The following CLASP1 variants were observed in gnomAD, a reference collection of about 807,000 sequenced individuals.
CLASP1 encodes the protein CLIP-associating protein 1.
In CLASP1, 38 loss-of-function variants were observed where a neutral mutation model predicts 192.3. The observed-to-expected ratio is 0.20, with a 90% CI of 0.15 to 0.26. CLASP1 has a LOEUF of 0.26. Ranked by LOEUF, CLASP1 falls within the 10% of genes least tolerant of loss-of-function variation. CLASP1 has a pLI of 1.00. For missense variants in CLASP1, 1,433 were observed against 1,932.5 expected, an observed-to-expected ratio of 0.74 and a Z score of 4.85; for synonymous variants, 691 against 712.8, an observed-to-expected ratio of 0.97 and a Z score of 0.49.
intron 7 of CLASP1, among the ~76,000 whole-genome samples, chr2:121,510,736 T>C (rs1213725426): frequency 6.6e-6 from 1 of 151,540 alleles, no homozygotes; most frequent in Admixed American, 6.6e-5. Context: ...AAGTCAAGGC[T>C]GCAGTGAGCA....
At chr2:121,414,083 A>G (rs1487236024) in intron 23 of CLASP1, among the ~76,000 whole-genome samples, 58 bp downstream of exon 24, 1 of 152,246 alleles carries the variant, frequency 6.6e-6, no homozygotes, top group Non-Finnish European at 1.5e-5. Flanking sequence ...AAATGTTGAC[A>G]TGGGTGTGAA....
intron 2 of CLASP1, among the ~76,000 whole-genome samples, chr2:121,571,802 G>C (rs1388638959): frequency 6.6e-6 from 1 of 152,178 alleles, no homozygotes; most frequent in African/African-American, 2.4e-5. Flanking sequence ...TGGAAGAAAA[G>C]CAAAGAATGG....
chr2:121,626,123 GA>G (rs1314297129), intron 1 of CLASP1, among the ~76,000 whole-genome samples: 1 of 151,534 alleles, frequency 6.6e-6, no homozygotes, highest in Non-Finnish European at 1.5e-5. Context: ...GAGAGAAGAG[GA>G]CATCTGATAT....
chr2:121,618,799 A>G (rs1335221330), intron 1 of CLASP1, among the ~76,000 whole-genome samples: 1 of 152,224 alleles, frequency 6.6e-6, no homozygotes, highest in African/African-American at 2.4e-5. Context: ...AGATGAAATA[A>G]TTCTCGAAAA....
At chr2:121,491,731 T>C (rs1320897004) in intron 8 of CLASP1, among the ~76,000 whole-genome samples, 5 of 152,226 alleles carry the variant, frequency 3.3e-5, no homozygotes, top group Non-Finnish European at 4.4e-5. Flanking sequence ...TCGGGTAACC[T>C]AGCAACAAGA....
intron 19 of CLASP1, among the ~76,000 whole-genome samples, chr2:121,442,282 T>C (rs2083475489): frequency 6.6e-6 from 1 of 152,178 alleles, no homozygotes. Flanking sequence ...CATAACATAC[T>C]GAAGATAATA....
Position 121,387,272 on chromosome 2 carries a change from T to A in CLASP1, c.3268-44A>T, listed in dbSNP as rs756224296. 3 of 1,261,112 alleles carry A rather than the reference T, an allele frequency of 2.4e-6. No individual in the cohort carries two copies. The East Asian group carries it at 7.4e-5, about 31-fold the overall frequency. 78.1% of individuals were successfully genotyped at this position (1,261,112 alleles called of 1,614,324 possible). On this transcript the variant is annotated intron_variant, in intron 31 of 39. Coordinates refer to ENST00000263710, the Ensembl canonical transcript of CLASP1. ...GGCATCGTTATTCAAGGGCTGTATA[T>A]AGAATATATTCTATTCTTTCCTTGG... is the stretch of plus-strand genomic sequence containing the variant.
Position 121,354,164 on chromosome 2 carries a change from A to AT in CLASP1, c.4207-5447_4207-5446insA, listed in dbSNP as rs1172176683. Among the ~76,000 whole-genome samples, 3 of 152,168 alleles carry AT rather than the reference A, an allele frequency of 2.0e-5. No homozygotes were observed. In the South Asian group the frequency reaches 6.2e-4, roughly 32 times the overall value. On this transcript the variant is annotated intron_variant, in intron 37 of 39. Coordinates refer to ENST00000263710, the Ensembl canonical transcript of CLASP1. The stretch of plus-strand genomic sequence containing the variant: ...ACTTGGATTTACATTTTTCCTAAGG[A>AT]GCTAGCACAGAAAACTAGGAGCATG...
chr2:121,455,678 G>A (rs573850823), intron 14 of CLASP1, among the ~76,000 whole-genome samples: 3 of 152,240 alleles, frequency 2.0e-5, no homozygotes, highest in Non-Finnish European at 2.9e-5. Context: ...TGGGCAACAT[G>A]ATAAGACCTT....
At chr2:121,527,210 A>T (rs988705804) in intron 5 of CLASP1, among the ~76,000 whole-genome samples, 2 of 152,226 alleles carry the variant, frequency 1.3e-5, no homozygotes, top group African/African-American at 4.8e-5. Flanking sequence ...AGCTTTATTC[A>T]TAAAAGCCAA....
intron 20 of CLASP1, 99 bp from the exon 21 acceptor site, chr2:121,427,529 G>A (rs1353452423): frequency 6.4e-6 from 8 of 1,245,302 alleles, no homozygotes; most frequent in Non-Finnish European, 9.3e-6. Context: ...AAAGGTCTTT[G>A]TTCACAAATA....
chr2:121,347,225 A>G (rs547324763), intron 38 of CLASP1, 71 bp from the exon 40 acceptor site: 3 of 1,039,434 alleles, frequency 2.9e-6, no homozygotes, highest in African/African-American at 1.6e-5. Context: ...CATCTCATCA[A>G]CGTTTCCACA....
chr2:121,565,754 TCAG>T (rs763701791), intron 2 of CLASP1, among the ~76,000 whole-genome samples: 2 of 152,234 alleles, frequency 1.3e-5, no homozygotes, highest in Non-Finnish European at 1.5e-5. Flanking sequence ...TCAGGCATGA[TCAG>T]CAGATCTGCA....
chr2:121,420,181 T>C (rs957278607), intron 22 of CLASP1, among the ~76,000 whole-genome samples: 3 of 151,590 alleles, frequency 2.0e-5, no homozygotes, highest in East Asian at 1.9e-4. Context: ...AATCTAGACA[T>C]AAAGGGCTTT....
At chr2:121,593,729 G>A (rs968811612) in intron 2 of CLASP1, among the ~76,000 whole-genome samples, 9 of 150,082 alleles carry the variant, frequency 6.0e-5, no homozygotes, top group African/African-American at 2.0e-4. Flanking sequence ...TTTTTTTTTC[G>A]GCCAGGCGCA....
intron 37 of CLASP1, among the ~76,000 whole-genome samples, chr2:121,360,785 C>T (rs572116765): frequency 4.9e-4 from 74 of 152,250 alleles, no homozygotes; most frequent in African/African-American, 1.5e-3. Context: ...ATGCAGGCAC[C>T]GTTCCCAACA....
intron 25 of CLASP1, among the ~76,000 whole-genome samples, chr2:121,406,386 T>C (rs1489185712): frequency 6.6e-6 from 1 of 152,226 alleles, no homozygotes; most frequent in Non-Finnish European, 1.5e-5. Context: ...GCTACATATA[T>C]GCACATGCAT....
At chr2:121,559,340 TCC>T (rs1463754500) in intron 2 of CLASP1, among the ~76,000 whole-genome samples, 1 of 152,130 alleles carries the variant, frequency 6.6e-6, no homozygotes. Context: ...TACATTCAGC[TCC>T]TAGGTATATA....
At chr2:121,530,423 C>A (rs2094743136) in intron 2 of CLASP1, 98 bp from the exon 3 acceptor site, 2 of 894,796 alleles carry the variant, frequency 2.2e-6, no homozygotes, top group Admixed American at 4.5e-5. Flanking sequence ...CCGGCCCAGA[C>A]GCAGTCCGAG....
Sources: allele counts gnomAD v4.1 joint callset (sites outside exome capture counted in the v4.1 genomes callset), GRCh38; gene constraint gnomAD v4.1.1; transcripts MANE v1.5; gene names NCBI Gene and HGNC (gene_info 2026-07-23, HGNC 2026-07-21).